Variants in DMD observed in about 807,000 individuals in gnomAD.
The protein encoded by DMD is mutant dystrophin.
Under a neutral mutation model 330.1 loss-of-function variants are expected in DMD, and 63 were observed. The ratio of observed to expected loss-of-function variants is 0.19; its 90% CI spans 0.16 to 0.24. The LOEUF is 0.24. DMD is among the 10% of genes least tolerant of loss of function. The pLI is 1.00. For synonymous variants in DMD, 1,223 were observed against 959.8 expected (o/e 1.27, Z -5.07); for missense variants, 3,344 against 2,684.1 (o/e 1.25, Z -5.43).
At position 32,351,489 on chromosome X, in the gene DMD, G is replaced by GT. The variant is rs1203823386; in HGVS notation, c.5326-2962dup. Among the ~76,000 whole-genome samples, 878 of 101,462 alleles carry GT rather than the reference G, an allele frequency of 8.7e-3. 6 individuals are homozygous for GT. The highest frequency in any genetic ancestry group is 0.024 in the African/African-American group (690 of 28,433). The allele number at this position is 101,462 out of a possible 115,157, so 88.1% of individuals were successfully genotyped here. A position where few individuals can be genotyped will look rare whatever the true frequency, so the allele number is the denominator to read the frequency against. On this transcript the variant is annotated intron_variant, in intron 37 of 78. Transcript: ENST00000357033. Reference sequence around the variant, plus strand: ...CCTTGCATTTAGTTTACAGGGTGCAGTTTTTTTTTTTTAATCAGGAATTAT... The same window carrying GT: ...CCTTGCATTTAGTTTACAGGGTGCAGTTTTTTTTTTTTTAATCAGGAATTAT...
intron 7 of DMD, among the ~76,000 whole-genome samples, chrX:32,802,365 T>C (rs2076635772): frequency 8.9e-6 from 1 of 111,987 alleles, no homozygotes; most frequent in South Asian, 3.7e-4. Context: ...TCCTGAGACT[T>C]TGTTGACACT....
chrX:32,312,344 C>T (rs1477594327), intron 41 of DMD, among the ~76,000 whole-genome samples: 1 of 111,034 alleles, frequency 9.0e-6, no homozygotes, highest in African/African-American at 3.3e-5. Context: ...TTTTCTGATT[C>T]TTCTTTGATA....
intron 44 of DMD, among the ~76,000 whole-genome samples, chrX:32,176,894 C>G (rs1027335047): frequency 9.0e-6 from 1 of 111,472 alleles, no homozygotes; most frequent in African/African-American, 3.3e-5. Context: ...CTCTGCAACT[C>G]TTTTCCTCTC....
chrX:31,146,515 C>G, intron 75 of DMD, 101 bp from the exon 76 acceptor site: 2 of 903,452 alleles, frequency 2.2e-6, no homozygotes, highest in Non-Finnish European at 3.1e-6. Context: ...AATTTTGACC[C>G]TTCCTACTTT....
rs573495853 is a variant in DMD at position 31,642,725 on chromosome X, T to C, written c.8028-14863A>G. Among the ~76,000 whole-genome samples, 4 of 111,738 alleles carry C rather than the reference T, an allele frequency of 3.6e-5. No individual in the cohort carries two copies. The South Asian group carries it at 1.5e-3, about 42-fold the overall frequency. On this transcript the variant is annotated intron_variant, in intron 54 of 78. Transcript: ENST00000357033. ...CGTTTTCCTTATTTTGCTCTATCAG[T>C]TTTGTGAGCCCAAAGAAATAAAGTT...
chrX:33,184,229 A>AT (rs1424693401), intron 1 of DMD, among the ~76,000 whole-genome samples: 2 of 112,035 alleles, frequency 1.8e-5, no homozygotes, highest in Middle Eastern at 4.6e-3. Flanking sequence ...TCTACATTAG[A>AT]TTTTTTTGTC....
At chrX:32,912,680 T>G (rs60141024) in intron 2 of DMD, among the ~76,000 whole-genome samples, 14,956 of 111,189 alleles carry the variant, frequency 0.13, 1,879 homozygotes, top group African/African-American at 0.38. Flanking sequence ...TGATTCCAAC[T>G]ATACGAAGTT....
At chrX:31,535,574 G>A (rs998351610) in intron 55 of DMD, among the ~76,000 whole-genome samples, 4 of 105,464 alleles carry the variant, frequency 3.8e-5, no homozygotes, top group Admixed American at 1.0e-4. Context: ...GGACATAGGC[G>A]TGGGCAAGGA....
At chrX:31,656,367 G>A (rs1017839862) in intron 54 of DMD, among the ~76,000 whole-genome samples, 4 of 112,058 alleles carry the variant, frequency 3.6e-5, no homozygotes, top group Non-Finnish European at 7.5e-5. Flanking sequence ...TTAAAAAACT[G>A]AGAGAGTGGC....
chrX:31,160,807 T>C (rs771367349), intron 74 of DMD, among the ~76,000 whole-genome samples: 6 of 111,848 alleles, frequency 5.4e-5, no homozygotes, highest in Admixed American at 4.8e-4. Flanking sequence ...ACCCTATCTT[T>C]GGTGTTTTAA....
intron 1 of DMD, among the ~76,000 whole-genome samples, chrX:33,240,465 T>C: frequency 8.9e-6 from 1 of 111,898 alleles, no homozygotes; most frequent in African/African-American, 3.2e-5. Context: ...CATTCACCAG[T>C]TGATGGACCC....
chrX:33,030,203 C>T (rs1174831586), intron 1 of DMD, among the ~76,000 whole-genome samples: 2 of 111,486 alleles, frequency 1.8e-5, no homozygotes, highest in East Asian at 2.8e-4. Flanking sequence ...TACAACTTCC[C>T]GTGGGTCTTC....
chrX:31,147,170 C>T, intron 75 of DMD, 105 bp downstream of exon 75: 1 of 1,093,003 alleles, frequency 9.1e-7, no homozygotes, highest in Non-Finnish European at 1.3e-6. Context: ...ATACCAAGCA[C>T]TTAAGAATTG....
intron 62 of DMD, among the ~76,000 whole-genome samples, chrX:31,300,154 A>G (rs1351721089): frequency 8.9e-6 from 1 of 112,173 alleles, no homozygotes; most frequent in African/African-American, 3.2e-5. Context: ...TCGATGCTCT[A>G]CATTTCCATT....
intron 9 of DMD, among the ~76,000 whole-genome samples, chrX:32,679,313 G>T (rs764536519): frequency 4.7e-4 from 52 of 109,775 alleles, no homozygotes; most frequent in Non-Finnish European, 1.9e-4. Flanking sequence ...AAAAACAATA[G>T]AAAATAGTAA....
chrX:31,229,637 T>A (rs186935455), intron 63 of DMD, among the ~76,000 whole-genome samples: 2 of 111,977 alleles, frequency 1.8e-5, no homozygotes, highest in East Asian at 5.6e-4. Context: ...AGAGCACATA[T>A]GCTTTTGGGG....
At chrX:33,056,344 TTTTTC>T (rs2094517492) in intron 1 of DMD, among the ~76,000 whole-genome samples, 3 of 108,298 alleles carry the variant, frequency 2.8e-5, no homozygotes, top group Non-Finnish European at 3.8e-5. Context: ...CGCTCTTTTT[TTTTTC>T]TTTTTCTTTT....
At chrX:32,728,020 G>T (rs1043711063) in intron 7 of DMD, among the ~76,000 whole-genome samples, 1 of 111,250 alleles carries the variant, frequency 9.0e-6, no homozygotes, top group African/African-American at 3.3e-5. Flanking sequence ...TTTAGGCAAG[G>T]CCTCTATCAA....
intron 44 of DMD, among the ~76,000 whole-genome samples, chrX:32,205,005 T>TCACAAACACA (rs1557210475): frequency 3.4e-5 from 1 of 29,241 alleles, no homozygotes; most frequent in Non-Finnish European, 7.2e-5. Flanking sequence ...TCTCTCTCTC[T>TCACAAACACA]CACATACACA....
Sources: gnomAD v4.1 joint callset for allele counts (sites outside exome capture counted in the v4.1 genomes callset) on GRCh38, gnomAD v4.1.1 for gene constraint, MANE v1.5 for transcripts, NCBI Gene and HGNC (gene_info 2026-07-23, HGNC 2026-07-21) for gene names.